MYCBP2: variants seen among roughly 807,000 people sequenced by gnomAD.
MYCBP2 encodes the protein E3 ubiquitin-protein ligase MYCBP2.
MYCBP2 carries 120 observed loss-of-function variants against 525.3 expected under a neutral mutation model. The ratio of observed to expected loss-of-function variants is 0.23; its 90% CI spans 0.20 to 0.27. MYCBP2 has a LOEUF of 0.27. MYCBP2 is among the 10% of genes least tolerant of loss of function. The probability of loss-of-function intolerance (pLI) is 1.00; values close to 1 mark genes in which losing one functional copy is unlikely to be tolerated. For synonymous variants in MYCBP2, 1,894 were observed against 1,955.8 expected, an observed-to-expected ratio of 0.97 and a Z score of 0.83; for missense variants, 4,149 against 5,657.1, an observed-to-expected ratio of 0.73 and a Z score of 8.55.
At chr13:77,136,309 G>T (rs1056973696) in intron 52 of MYCBP2, among the ~76,000 whole-genome samples, 5 of 152,168 alleles carry the variant, frequency 3.3e-5, no homozygotes, top group African/African-American at 1.2e-4. Flanking sequence ...CCCTACCTAT[G>T]ATATCAAATA....
rs569527863 is a variant in MYCBP2 at position 77,137,489 on chromosome 13, A to G, written c.7659+1707T>C. Among the ~76,000 whole-genome samples the G allele has an allele frequency of 2.0e-5, 3 of 152,288 alleles. No homozygotes were observed. The South Asian group carries it at 6.2e-4, about 32-fold the overall frequency. On this transcript the variant is annotated intron_variant, in intron 52 of 82. Transcript: ENST00000544440. ...ACACAATGGCCAGGTGTGGTAGCTC[A>G]TGCCTGTAATATGAGCACTTTGTGA... is the stretch of plus-strand genomic sequence containing the variant.
rs768318549 is a variant in MYCBP2, at chr13:77,098,079, A to C, written c.9075T>G (p.Pro3025=). ...PLEPAKQAMS[P]SVAECARAVF... is the part of the protein sequence containing the mutation. ...CAGCTCTGGCACATTCGGCCACAGA[A>C]GGAGACATGGCTTGCTTGGCTGGCT... Residue 3025 remains proline, a synonymous_variant, in exon 56 of 83, where the codon CCT becomes CCG. Transcript: ENST00000544440. The C allele has an allele frequency of 6.2e-7, 1 of 1,613,634 alleles. No homozygotes were observed. The highest frequency in any genetic ancestry group is 8.5e-7 in the Non-Finnish European group (1 of 1,179,788).
chr13:77,281,262 A>G (rs1243588757), intron 3 of MYCBP2, among the ~76,000 whole-genome samples: 1 of 152,216 alleles, frequency 6.6e-6, no homozygotes, highest in Non-Finnish European at 1.5e-5. Context: ...AGAAAAAATG[A>G]CAAAAGAAAT....
chr13:77,087,640 A>G lies in MYCBP2; in HGVS notation c.10726-7T>C, dbSNP rs531673237. 16 of 1,608,548 alleles carry G rather than the reference A, an allele frequency of 9.9e-6. No individual in the cohort carries two copies. Among genetic ancestry groups the G allele is most frequent in the Non-Finnish European group, 1.2e-5 (14 of 1,177,500 alleles). On this transcript the variant is annotated splice_polypyrimidine_tract_variant and splice_region_variant and intron_variant, in intron 61 of 82. Transcript: ENST00000544440. Reference sequence around the variant, plus strand: ...ACAGAAGCCAGTTGAAAGCCTGAAGAAATGACGGTTAAATGAGTTCAAGAA... The same window carrying G: ...ACAGAAGCCAGTTGAAAGCCTGAAGGAATGACGGTTAAATGAGTTCAAGAA...
At chr13:77,205,413 T>C in intron 25 of MYCBP2, 30 bp from the exon 26 acceptor site, 1 of 1,611,886 alleles carries the variant, frequency 6.2e-7, no homozygotes, top group Non-Finnish European at 8.5e-7. Flanking sequence ...ATCTATGTTT[T>C]AAAAGATCCA....
chr13:77,100,695 T>C (rs982232952), intron 55 of MYCBP2, among the ~76,000 whole-genome samples: 3 of 152,108 alleles, frequency 2.0e-5, no homozygotes, highest in African/African-American at 7.2e-5. Context: ...TTTCCTGTTC[T>C]TTGGATGAAT....
Position 77,061,162 on chromosome 13 carries a change from C to T in MYCBP2, c.13036+7G>A. ...TAAAGGCATGGCTCAATCTTTAAAC[C>T]TTTTACCTGTGTGTTCTCGGAATTC... On this transcript the variant is annotated splice_region_variant and intron_variant, in intron 76 of 82. Coordinates refer to ENST00000544440, the MANE Select transcript of MYCBP2 (RefSeq NM_015057.5). 6.2e-7 allele frequency: 1 copy of T among 1,603,106 alleles called. No individual in the cohort carries two copies. Among genetic ancestry groups the T allele is most frequent in the Middle Eastern group, 1.7e-4 (1 of 6,020 alleles).
chr13:77,317,373 T>A (rs2081078302), intron 1 of MYCBP2, among the ~76,000 whole-genome samples: 1 of 152,204 alleles, frequency 6.6e-6, no homozygotes, highest in Non-Finnish European at 1.5e-5. Context: ...CCAGGATCTT[T>A]TAACCCCTTG....
At position 77,266,746 on chromosome 13, in the gene MYCBP2, G is replaced by GAAAAAAAAA. The variant is rs56408804; in HGVS notation, c.1357+1086_1357+1094dup. Among the ~76,000 whole-genome samples, 34 of 89,412 alleles carry GAAAAAAAAA rather than the reference G, an allele frequency of 3.8e-4. 1 individual carries two copies. The highest frequency in any genetic ancestry group is 1.2e-3 in the African/African-American group (28 of 22,492). 58.7% of individuals were successfully genotyped at this position (89,412 alleles called of 152,430 possible). A position where few individuals can be genotyped will look rare whatever the true frequency, so the allele number is the denominator to read the frequency against. On this transcript the variant is annotated intron_variant, in intron 8 of 82. Transcript: ENST00000544440. ...AAAGACATGGTCCAGGACTTGTAAT[G>GAAAAAAAAA]AAAAAAAAAAAAAAAAAAAAAACCC...
Position 77,090,094 on chromosome 13 carries a change from C to T in MYCBP2, c.10525+12G>A. The T allele has an allele frequency of 6.3e-7, 1 of 1,598,144 alleles. No individual in the cohort carries two copies. Among genetic ancestry groups the T allele is most frequent in the Non-Finnish European group, 8.5e-7 (1 of 1,172,602 alleles). ...CAGATCACTCAATATTCTTTTTTAT[C>T]CTCATACTTACCAGTGTCTCCACTG... is the stretch of plus-strand genomic sequence containing the variant. On this transcript the variant is annotated intron_variant, in intron 60 of 82. Transcript: ENST00000544440.
intron 41 of MYCBP2, among the ~76,000 whole-genome samples, 160 bp downstream of exon 41, chr13:77,166,169 C>G (rs2058498168): frequency 6.6e-6 from 1 of 152,158 alleles, no homozygotes; most frequent in African/African-American, 2.4e-5. Flanking sequence ...GCCCCTTGCC[C>G]AGGGTACCTT....
At chr13:77,187,366 C>G (rs1307669185) in intron 30 of MYCBP2, among the ~76,000 whole-genome samples, 1 of 152,152 alleles carries the variant, frequency 6.6e-6, no homozygotes, top group Non-Finnish European at 1.5e-5. Flanking sequence ...AGCACAAGCT[C>G]TACAAACTGC....
chr13:77,223,252 C>A (rs567420622), intron 20 of MYCBP2, among the ~76,000 whole-genome samples: 5 of 152,296 alleles, frequency 3.3e-5, no homozygotes, highest in Middle Eastern at 3.4e-3. Context: ...TCTATTCCTG[C>A]CCAATGCAGG....
chr13:77,168,797 G>T, intron 39 of MYCBP2, 151 bp from the exon 40 acceptor site: 1 of 651,990 alleles, frequency 1.5e-6, no homozygotes, highest in Non-Finnish European at 2.6e-6. Flanking sequence ...TCTTTCAATT[G>T]ATTAAAAAAA....
intron 14 of MYCBP2, 148 bp from the exon 15 acceptor site, chr13:77,251,503 T>G: frequency 1.5e-6 from 1 of 679,550 alleles, no homozygotes; most frequent in Non-Finnish European, 2.5e-6. Flanking sequence ...CAAAAATAAA[T>G]TTTAATTTAG....
intron 3 of MYCBP2, among the ~76,000 whole-genome samples, chr13:77,283,351 A>G (rs1488029823): frequency 6.6e-6 from 1 of 152,052 alleles, no homozygotes; most frequent in Non-Finnish European, 1.5e-5. Context: ...AGCACTCCCT[A>G]TCAATCCTTA....
At chr13:77,173,140 T>C (rs1381561032) in intron 37 of MYCBP2, among the ~76,000 whole-genome samples, 1 of 152,204 alleles carries the variant, frequency 6.6e-6, no homozygotes, top group African/African-American at 2.4e-5. Flanking sequence ...TTGGGAGCTA[T>C]CAGAGCAGGA....
At chr13:77,303,647 G>A (rs1053078495) in intron 1 of MYCBP2, among the ~76,000 whole-genome samples, 1 of 151,786 alleles carries the variant, frequency 6.6e-6, no homozygotes, top group Non-Finnish European at 1.5e-5. Context: ...AGTCACAATG[G>A]AAATCAGAAA....
chr13:77,299,825 T>C (rs773609654), intron 1 of MYCBP2, among the ~76,000 whole-genome samples: 31 of 152,198 alleles, frequency 2.0e-4, no homozygotes, highest in African/African-American at 6.3e-4. Flanking sequence ...TTTGAAAGAA[T>C]TGTGGTTGAC....
Sources: gnomAD v4.1 joint callset for allele counts (sites outside exome capture counted in the v4.1 genomes callset) on GRCh38, gnomAD v4.1.1 for gene constraint, MANE v1.5 for transcripts, NCBI Gene and HGNC (gene_info 2026-07-23, HGNC 2026-07-21) for gene names.